Variants in SLC25A33 observed in about 807,000 individuals in gnomAD.
The protein encoded by SLC25A33 is solute carrier family 25 member 33.
Under a neutral mutation model 35.5 loss-of-function variants are expected in SLC25A33, and 15 were observed. That is an observed-to-expected ratio of 0.42 (90% confidence interval 0.28 to 0.65). The LOEUF is 0.65. Among genes scored for constraint, SLC25A33 ranks in the 30% least tolerant of loss-of-function variants. The pLI, the probability that SLC25A33 is intolerant of heterozygous loss-of-function variation, is 0.20. For missense variants in SLC25A33, 257 were observed against 398.5 expected, an observed-to-expected ratio of 0.64 and a Z score of 3.02; for synonymous variants, 136 against 148.7, an observed-to-expected ratio of 0.91 and a Z score of 0.62.
intron 6 of SLC25A33, among the ~76,000 whole-genome samples, chr1:9,581,685 T>C (rs969912714): frequency 6.8e-6 from 1 of 147,158 alleles, no homozygotes; most frequent in Non-Finnish European, 1.5e-5. Flanking sequence ...GCCAAGATCG[T>C]ACCGACTGCA....
intron 4 of SLC25A33, among the ~76,000 whole-genome samples, chr1:9,571,721 C>T (rs913517247): frequency 2.0e-5 from 3 of 151,536 alleles, no homozygotes; most frequent in Admixed American, 1.3e-4. Context: ...CCCTGCAACC[C>T]CCACCTCCTG....
intron 1 of SLC25A33, among the ~76,000 whole-genome samples, chr1:9,546,703 G>A (rs565403790): frequency 1.3e-5 from 2 of 152,206 alleles, no homozygotes; most frequent in Admixed American, 1.3e-4. Context: ...TCATTTAGGG[G>A]GTGTTCAGTT....
rs534501742 is a variant in SLC25A33 at position 9,583,481 on chromosome 1, A to G, written c.*980A>G. 1.3e-5 allele frequency: 2 copies of G among 152,288 alleles called. No homozygotes were observed. The highest frequency in any genetic ancestry group is 2.1e-4 in the South Asian group (1 of 4,832). The allele number at this position is 152,288 out of a possible 1,614,324, so 9.4% of individuals were successfully genotyped here. A position where few individuals can be genotyped will look rare whatever the true frequency, so the allele number is the denominator to read the frequency against. On this transcript the variant is annotated 3_prime_UTR_variant, in exon 7 of 7. Coordinates refer to ENST00000302692, the MANE Select transcript of SLC25A33 (RefSeq NM_032315.3). ...TTTATCAATGGCCTGGCTCCTGGAT[A>G]TAGTTCCGGAAGTTAAGACCAGTTG...
intron 6 of SLC25A33, among the ~76,000 whole-genome samples, chr1:9,581,223 G>A (rs993088069): frequency 2.6e-5 from 4 of 152,198 alleles, no homozygotes; most frequent in African/African-American, 4.8e-5. Context: ...AACTCTAGGT[G>A]TCTGGGAAGG....
intron 1 of SLC25A33, among the ~76,000 whole-genome samples, chr1:9,541,984 A>G (rs1450161871): frequency 1.3e-5 from 2 of 152,078 alleles, no homozygotes; most frequent in South Asian, 2.1e-4. Context: ...TATTTTTAGT[A>G]GAGACGGGGT....
chr1:9,550,736 G>A (rs1259240704), intron 1 of SLC25A33, among the ~76,000 whole-genome samples: 1 of 151,874 alleles, frequency 6.6e-6, no homozygotes, highest in Non-Finnish European at 1.5e-5. Flanking sequence ...GCAGTGGTGT[G>A]ATCTCAGCCC....
At position 9,544,689 on chromosome 1, in the gene SLC25A33, A is replaced by T. The variant is rs1357135586; in HGVS notation, c.56+4942A>T. ...AATGGCGGTTACCAAACCTCCAAAGATTAGGATTGCAGGATGTCTGGCAGT... is the reference window on the plus strand; with the variant it reads ...AATGGCGGTTACCAAACCTCCAAAGTTTAGGATTGCAGGATGTCTGGCAGT... On this transcript the variant is annotated intron_variant, in intron 1 of 6. Transcript: ENST00000302692. Among the ~76,000 whole-genome samples, 4 of 152,204 alleles carry T rather than the reference A, an allele frequency of 2.6e-5. No homozygotes were observed. The East Asian group carries it at 7.7e-4, about 29-fold the overall frequency.
chr1:9,565,771 G>A (rs192581253), intron 2 of SLC25A33, among the ~76,000 whole-genome samples: 104 of 151,288 alleles, frequency 6.9e-4, no homozygotes, highest in African/African-American at 2.2e-3. Flanking sequence ...CCAGCTGCTC[G>A]GGGGGCTGAG....
At chr1:9,577,125 T>C (rs752525625) in intron 5 of SLC25A33, 6 of 485,572 alleles carry the variant, frequency 1.2e-5, no homozygotes, top group Non-Finnish European at 2.2e-5. Context: ...AAGAGTCTTT[T>C]GGGCAGAGAG....
intron 1 of SLC25A33, among the ~76,000 whole-genome samples, chr1:9,543,364 G>A (rs555522375): frequency 2.6e-5 from 4 of 151,996 alleles, no homozygotes; most frequent in Non-Finnish European, 4.4e-5. Flanking sequence ...GGCTGGTCTC[G>A]AACTCCTGCC....
Position 9,580,012 on chromosome 1 carries a change from G to A in SLC25A33, c.541G>A (p.Glu181Lys), listed in dbSNP as rs202045647. 2.9e-5 allele frequency: 46 copies of A among 1,613,522 alleles called. No individual in the cohort carries two copies. Among genetic ancestry groups the A allele is most frequent in the Admixed American group, 1.8e-4 (11 of 59,902 alleles). The part of the protein sequence containing the change: ...LQCARYVYQT[E>K]GIRGFYRGLT... ...GTGTGCTCGTTACGTTTACCAGACC[G>A]AAGGCATTCGTGGCTTCTATAGAGG... Residue 181 changes from glutamate (E) to lysine (K), a missense_variant, in exon 6 of 7, where the codon GAA (glutamate) becomes AAA (lysine). By Grantham distance (56) the Glu-to-Lys change is moderately conservative. Transcript: ENST00000302692.
chr1:9,559,078 C>T (rs190846975), intron 2 of SLC25A33, among the ~76,000 whole-genome samples: 30 of 152,324 alleles, frequency 2.0e-4, no homozygotes, highest in African/African-American at 6.7e-4. Context: ...ATTGTCTGCA[C>T]GGCTGACGTC....
chr1:9,562,959 C>G (rs1263787739), intron 2 of SLC25A33, among the ~76,000 whole-genome samples: 3 of 146,678 alleles, frequency 2.0e-5, no homozygotes, highest in Non-Finnish European at 1.5e-5. Flanking sequence ...CGCTCTGTCA[C>G]CCAGGCTGGA....
At chr1:9,576,657 G>A in intron 5 of SLC25A33, 1 of 622,946 alleles carries the variant, frequency 1.6e-6, no homozygotes. Flanking sequence ...ACACGATCAA[G>A]GGTGTTACAC....
intron 5 of SLC25A33, among the ~76,000 whole-genome samples, chr1:9,575,129 C>T (rs894316868): frequency 6.9e-6 from 1 of 145,626 alleles, no homozygotes; most frequent in Non-Finnish European, 1.5e-5. Flanking sequence ...AGGAGAATGG[C>T]GTTAACCCGG....
In SLC25A33 at chr1:9,585,035, T is replaced by C. The variant is rs902307639; in HGVS notation, c.*2534T>C. The C allele has an allele frequency of 3.3e-5, 5 of 152,252 alleles. No individual in the cohort carries two copies. The highest frequency in any genetic ancestry group is 1.2e-4 in the African/African-American group (5 of 41,474). The allele number at this position is 152,252 out of a possible 1,614,324, so 9.4% of individuals were successfully genotyped here. A position where few individuals can be genotyped will look rare whatever the true frequency, so the allele number is the denominator to read the frequency against. ...TAATATTCACATTCCTATTTTAATA[T>C]TCATATTCGATGATGGCACTTAGCA... On this transcript the variant is annotated 3_prime_UTR_variant, in exon 7 of 7. Transcript: ENST00000302692.
In SLC25A33 at chr1:9,555,294, A is replaced by G. The variant is rs532559438; in HGVS notation, c.236+1489A>G. ...CATCACACCCAGCTAATTTTTTTGT[A>G]TTTTTAGTAGAGACGGGGTTTCACC... On this transcript the variant is annotated intron_variant, in intron 2 of 6. Coordinates refer to ENST00000302692, the MANE Select transcript of SLC25A33 (RefSeq NM_032315.3). Among the ~76,000 whole-genome samples the G allele has an allele frequency of 7.3e-5, 11 of 151,458 alleles. No homozygotes were observed. The South Asian group carries it at 1.7e-3, about 23-fold the overall frequency.
chr1:9,570,329 T>C lies in SLC25A33; in HGVS notation c.386T>C (p.Ile129Thr). Residue 129 changes from isoleucine to threonine, a missense_variant, in exon 4 of 7, where the codon ATT becomes ACT. Physicochemically the swap from Ile to Thr is moderately conservative, Grantham distance 89. Coordinates refer to ENST00000302692, the MANE Select transcript of SLC25A33 (RefSeq NM_032315.3). ...FNGIFVPNSN[I>T]VHIFSAGSAA... ...GGCATTTTCGTGCCTAACAGCAATA[T>C]TGTGCATATTTTCTCAGCTGGCTCT... The C allele has an allele frequency of 6.2e-7, 1 of 1,614,094 alleles. No homozygotes were observed. Among genetic ancestry groups the C allele is most frequent in the Non-Finnish European group, 8.5e-7 (1 of 1,180,006 alleles).
chr1:9,576,606 G>A (rs1372105993), intron 5 of SLC25A33: 1 of 579,956 alleles, frequency 1.7e-6, no homozygotes, highest in African/African-American at 1.9e-5. Flanking sequence ...GTAACAGAAA[G>A]GAACTGGCTA....
Sources: gnomAD v4.1 joint callset for allele counts (sites outside exome capture counted in the v4.1 genomes callset) on GRCh38, gnomAD v4.1.1 for gene constraint, MANE v1.5 for transcripts, NCBI Gene and HGNC (gene_info 2026-07-23, HGNC 2026-07-21) for gene names.